The following ASAH1 variants were observed in gnomAD, a reference collection of about 807,000 sequenced individuals.
The protein encoded by ASAH1 is acid ceramidase.
In ASAH1, 70 loss-of-function variants were observed where a neutral mutation model predicts 59.5. The observed-to-expected ratio is 1.18, with a 90% CI of 0.97 to 1.43. ASAH1 has a LOEUF of 1.43. ASAH1 is among the 40% of genes most tolerant of loss of function. The pLI is 0.00. For synonymous variants in ASAH1, 213 were observed against 166.5 expected (o/e 1.28, Z -2.15); for missense variants, 660 against 482.5 (o/e 1.37, Z -3.45).
At position 18,063,068 on chromosome 8, in the gene ASAH1, C is replaced by T; in HGVS notation, c.503+117G>A. 5.5e-6 allele frequency: 5 copies of T among 902,188 alleles called. No homozygotes were observed. The South Asian group carries it at 6.7e-5, about 12-fold the overall frequency. 55.9% of individuals were successfully genotyped at this position (902,188 alleles called of 1,614,324 possible). On this transcript the variant is annotated intron_variant, in intron 7 of 13. Coordinates refer to ENST00000637790, the MANE Select transcript of ASAH1 (RefSeq NM_177924.5). Reference sequence around the variant, plus strand: ...TGTTTTTAGTAGAGACGGGGTTTCACCATCTTGGCCAGGCTGGTCTTGAAC... The same window carrying T: ...TGTTTTTAGTAGAGACGGGGTTTCATCATCTTGGCCAGGCTGGTCTTGAAC...
At chr8:18,066,336 C>G (rs918390223) in intron 5 of ASAH1, 1 of 147,048 alleles carries the variant, frequency 6.8e-6, no homozygotes, top group African/African-American at 2.5e-5. Context: ...GGCTTATATT[C>G]AAAGTATGTA....
At chr8:18,067,141 G>GTATATCTAAGACATACAGCACCTGTGCTT in intron 5 of ASAH1, 79 bp downstream of exon 5, 6 of 1,163,058 alleles carry the variant, frequency 5.2e-6, no homozygotes, top group Non-Finnish European at 7.4e-6. Context: ...CACCTGTGCT[G>GTATATCTAAGACATACAGCACCTGTGCTT]TATGTATATC....
intron 8 of ASAH1, 121 bp downstream of exon 8, chr8:18,062,158 A>G (rs559800227): frequency 1.5e-6 from 2 of 1,333,014 alleles, no homozygotes; most frequent in East Asian, 4.6e-5. Flanking sequence ...CAAGAAGTAC[A>G]AGGGGGTGAA....
upstream of ASAH1, chr8:18,084,203 AG>A: frequency 2.0e-6 from 3 of 1,521,838 alleles, no homozygotes; most frequent in South Asian, 2.4e-5. Context: ...CGCTCGGAGG[AG>A]GCGGGACTGG....
chr8:18,079,310 C>T (rs2117091535), intron 1 of ASAH1, among the ~76,000 whole-genome samples: 1 of 149,194 alleles, frequency 6.7e-6, no homozygotes, highest in South Asian at 2.1e-4. Flanking sequence ...CTGGAAAGTG[C>T]TTTTAAAAGA....
Position 18,067,313 on chromosome 8 carries a change from T to A in ASAH1, c.304-15A>T. 6.5e-7 allele frequency: 1 copy of A among 1,546,646 alleles called. No homozygotes were observed. Among genetic ancestry groups the A allele is most frequent in the Non-Finnish European group, 8.8e-7 (1 of 1,137,702 alleles). On this transcript the variant is annotated splice_polypyrimidine_tract_variant and intron_variant, in intron 4 of 13. Coordinates refer to ENST00000637790, the MANE Select transcript of ASAH1 (RefSeq NM_177924.5). ...AGTAGGCCAGGCTGGAAAACAAATA[T>A]ATTAATAAAAGCATTTAACATAATA...
chr8:18,073,465 C>T (rs1483370688), intron 2 of ASAH1, among the ~76,000 whole-genome samples: 2 of 152,302 alleles, frequency 1.3e-5, no homozygotes, highest in African/African-American at 2.4e-5. Flanking sequence ...CACATGGCTA[C>T]CTAGGTGGCA....
At chr8:18,064,431 C>CGG in intron 6 of ASAH1, 26 bp downstream of exon 6, 2 of 1,178,404 alleles carry the variant, frequency 1.7e-6, no homozygotes, top group East Asian at 2.4e-5. Context: ...CTTCATGCTG[C>CGG]CCACCCTCCC....
chr8:18,069,639 C>T, intron 4 of ASAH1, 153 bp downstream of exon 4: 1 of 600,150 alleles, frequency 1.7e-6, no homozygotes, highest in Non-Finnish European at 3.0e-6. Context: ...ACCAATTCCC[C>T]AAATTTAAGT....
intron 6 of ASAH1, 186 bp from the exon 7 acceptor site, chr8:18,063,416 G>C: frequency 1.6e-6 from 1 of 615,590 alleles, no homozygotes; most frequent in East Asian, 3.0e-5. Context: ...CAATTCTTGT[G>C]CCTCAGCCTT....
intron 5 of ASAH1, 71 bp downstream of exon 5, chr8:18,067,149 A>ACATACAGCACCTGTGC: frequency 7.3e-7 from 1 of 1,376,968 alleles, no homozygotes; most frequent in Non-Finnish European, 1.0e-6. Flanking sequence ...CTGTATGTAT[A>ACATACAGCACCTGTGC]TCACACCTCA....
At chr8:18,075,510 A>C (rs1333586653) in intron 2 of ASAH1, 31 bp downstream of exon 2, 1 of 1,611,922 alleles carries the variant, frequency 6.2e-7, no homozygotes, top group Admixed American at 1.7e-5. Context: ...CAAAGGTCAA[A>C]GGGAGTTTTG....
chr8:18,084,345 A>G, upstream of ASAH1: 1 of 1,409,790 alleles, frequency 7.1e-7, no homozygotes, highest in Non-Finnish European at 9.2e-7. Flanking sequence ...CCCCTCCCCC[A>G]CCGCGGGCAA....
chr8:18,075,666 CTGTG>C (rs1173627586), intron 1 of ASAH1, 79 bp from the exon 2 acceptor site: 1 of 1,328,316 alleles, frequency 7.5e-7, no homozygotes, highest in Admixed American at 1.7e-5. Flanking sequence ...AGTAGTTAAT[CTGTG>C]AAGACAACAT....
chr8:18,073,916 T>C lies in ASAH1; in HGVS notation c.125+1625A>G, dbSNP rs760641575. 1.4e-4 allele frequency among the ~76,000 whole-genome samples: 21 copies of C among 152,136 alleles called. 1 individual carries two copies. The highest frequency in any genetic ancestry group is 1.3e-4 in the Non-Finnish European group (9 of 68,010). ...AAAAATGAAGGCAAGGAAAGAAACA[T>C]ACAAGTTATGTCCATGTATACACGT... On this transcript the variant is annotated intron_variant, in intron 2 of 13. Coordinates refer to ENST00000637790, the MANE Select transcript of ASAH1 (RefSeq NM_177924.5).
At chr8:18,062,205 T>TA in intron 8 of ASAH1, 74 bp downstream of exon 8, 1 of 1,602,888 alleles carries the variant, frequency 6.2e-7, no homozygotes, top group South Asian at 1.1e-5. Flanking sequence ...CTCATATTCT[T>TA]AGATTTCAAC....
Position 18,071,283 on chromosome 8 carries a change from T to G in ASAH1, c.216+17A>C. On this transcript the variant is annotated intron_variant, in intron 3 of 13. Transcript: ENST00000637790. ...AATAAAAATAAAGAAATAAAAGATT[T>G]AAGCATCATAGCATACCACTGGTGC... 7.4e-7 allele frequency: 1 copy of G among 1,346,072 alleles called. No homozygotes were observed. The highest frequency in any genetic ancestry group is 1.0e-6 in the Non-Finnish European group (1 of 976,992). The allele number at this position is 1,346,072 out of a possible 1,614,324, so 83.4% of individuals were successfully genotyped here. A position where few individuals can be genotyped will look rare whatever the true frequency, so the allele number is the denominator to read the frequency against.
chr8:18,062,007 C>T (rs925043068), intron 8 of ASAH1: 3 of 618,120 alleles, frequency 4.9e-6, no homozygotes, highest in African/African-American at 3.7e-5. Flanking sequence ...CCTAAGTGAG[C>T]GGAAGACCCA....
At chr8:18,075,378 A>G (rs774730658) in intron 2 of ASAH1, 163 bp downstream of exon 2, 1 of 786,186 alleles carries the variant, frequency 1.3e-6, no homozygotes, top group Non-Finnish European at 2.3e-6. Context: ...CCAAGATCTC[A>G]GCCAAATGCA....
Sources: gnomAD v4.1 joint callset for allele counts (sites outside exome capture counted in the v4.1 genomes callset) on GRCh38, gnomAD v4.1.1 for gene constraint, MANE v1.5 for transcripts, NCBI Gene and HGNC (gene_info 2026-07-23, HGNC 2026-07-21) for gene names.